The following PSD3 variants were observed in gnomAD, a reference collection of about 807,000 sequenced individuals.
PSD3 encodes pleckstrin and Sec7 domain containing 3.
PSD3 carries 49 observed loss-of-function variants against 105.5 expected under a neutral mutation model. The ratio of observed to expected loss-of-function variants is 0.46; its 90% CI spans 0.37 to 0.59. The LOEUF (loss-of-function observed/expected upper bound fraction) is 0.59, where lower values mean the gene tolerates loss of function less well. PSD3 is among the 20% of genes least tolerant of loss of function. The probability of loss-of-function intolerance (pLI) is 0.00; values close to 1 mark genes in which losing one functional copy is unlikely to be tolerated. For missense variants in PSD3, 1,561 were observed against 1,263.8 expected (o/e 1.24, Z -3.57); for synonymous variants, 557 against 457.8 (o/e 1.22, Z -2.77).
chr8:18,768,914 T>C (rs965904920), intron 8 of PSD3, among the ~76,000 whole-genome samples: 5 of 152,226 alleles, frequency 3.3e-5, no homozygotes, highest in African/African-American at 1.2e-4. Context: ...ACTTATTTAG[T>C]AGATATTTCT....
At chr8:18,986,699 T>G (rs894243009) in intron 1 of PSD3, among the ~76,000 whole-genome samples, 1 of 152,160 alleles carries the variant, frequency 6.6e-6, no homozygotes, top group Non-Finnish European at 1.5e-5. Flanking sequence ...TATCGCTGAA[T>G]GCCCCTAAAG....
intron 8 of PSD3, among the ~76,000 whole-genome samples, chr8:18,792,304 T>C (rs1191907169): frequency 6.6e-6 from 1 of 152,156 alleles, no homozygotes; most frequent in Non-Finnish European, 1.5e-5. Flanking sequence ...AGGAAAGACA[T>C]GGAATCAACC....
In PSD3 at chr8:19,065,221, GT is replaced by G. The variant is rs1029167901; in HGVS notation, c.324+18984del. 2.1e-4 allele frequency among the ~76,000 whole-genome samples: 32 copies of G among 152,144 alleles called. No individual in the cohort carries two copies. In the South Asian group the frequency reaches 2.7e-3, roughly 13 times the overall value. ...TCTGAGGGGAAAAAACACAAATTAG[GT>G]TTTTTTCTGCTCTTACCATAACAAT... On this transcript the variant is annotated intron_variant, in intron 1 of 1. Transcript: ENST00000521475.
chr8:19,079,320 G>A (rs1829566617), intron 1 of PSD3, among the ~76,000 whole-genome samples: 1 of 152,152 alleles, frequency 6.6e-6, no homozygotes, highest in Non-Finnish European at 1.5e-5. Context: ...CATCAATACT[G>A]ACTCCTAAAT....
rs1799666694 is a variant in PSD3 at position 18,532,307 on chromosome 8, G to A, written c.*3436C>T. On this transcript the variant is annotated 3_prime_UTR_variant, in exon 16 of 16. Transcript: ENST00000327040. ...CACAATCTCAGAAGTTCTGTAGCTTGGCCACAGGGTGAAATACAAACCTAT... is the reference window on the plus strand; with the variant it reads ...CACAATCTCAGAAGTTCTGTAGCTTAGCCACAGGGTGAAATACAAACCTAT... 1 of 152,210 alleles carries A rather than the reference G, an allele frequency of 6.6e-6. No homozygotes were observed. The highest frequency in any genetic ancestry group is 1.5e-5 in the Non-Finnish European group (1 of 68,038). 9.4% of individuals were successfully genotyped at this position (152,210 alleles called of 1,614,324 possible).
At chr8:18,739,689 TATC>T (rs1450372795) in intron 9 of PSD3, among the ~76,000 whole-genome samples, 3 of 152,170 alleles carry the variant, frequency 2.0e-5, no homozygotes, top group East Asian at 1.9e-4. Flanking sequence ...ATCAACAACT[TATC>T]ATTGTATATA....
Position 18,809,911 on chromosome 8 carries a change from T to C in PSD3, c.1635-5013A>G, listed in dbSNP as rs112628524. ...ACCCTCCTCTGTGTTTTCATCCTTC[T>C]CTCTTGACCTGCATGCTACCACCAC... On this transcript the variant is annotated intron_variant, in intron 4 of 15. Coordinates refer to ENST00000327040, the MANE Select transcript of PSD3 (RefSeq NM_015310.4). Among the ~76,000 whole-genome samples the C allele has an allele frequency of 7.8e-3, 1,194 of 152,236 alleles. 10 individuals are homozygous for C. Among genetic ancestry groups the C allele is most frequent in the African/African-American group, 0.028 (1,155 of 41,532 alleles).
At chr8:18,920,480 C>T (rs756939425) in intron 2 of PSD3, among the ~76,000 whole-genome samples, 6 of 152,098 alleles carry the variant, frequency 3.9e-5, no homozygotes, top group African/African-American at 9.7e-5. Context: ...GGAGCATGAG[C>T]GCTGCTTTCT....
At chr8:18,986,797 A>G (rs749667319) in intron 1 of PSD3, among the ~76,000 whole-genome samples, 2 of 152,200 alleles carry the variant, frequency 1.3e-5, no homozygotes, top group Non-Finnish European at 2.9e-5. Context: ...AAGATGAGGC[A>G]GAACAAAGAG....
chr8:18,728,073 A>G (rs994440056), intron 9 of PSD3, among the ~76,000 whole-genome samples: 13 of 152,098 alleles, frequency 8.5e-5, no homozygotes, highest in Admixed American at 2.6e-4. Context: ...GAAAAAAAAA[A>G]GCGGAGAAAG....
At position 18,532,752 on chromosome 8, in the gene PSD3, G is replaced by C. The variant is rs572144789; in HGVS notation, c.*2991C>G. 2.3e-4 allele frequency: 35 copies of C among 152,270 alleles called. No homozygotes were observed. Among genetic ancestry groups the C allele is most frequent in the African/African-American group, 8.2e-4 (34 of 41,556 alleles). The allele number at this position is 152,270 out of a possible 1,614,324, so 9.4% of individuals were successfully genotyped here. ...TTTTGATTGCTAATGAGGAATCCCA[G>C]ACACCTCCCTGTAAAAGCCAGCATG... On this transcript the variant is annotated 3_prime_UTR_variant, in exon 16 of 16. Coordinates refer to ENST00000327040, the MANE Select transcript of PSD3 (RefSeq NM_015310.4).
At chr8:18,551,605 C>G (rs887200170) in intron 15 of PSD3, among the ~76,000 whole-genome samples, 8 of 152,056 alleles carry the variant, frequency 5.3e-5, no homozygotes, top group Non-Finnish European at 8.8e-5. Flanking sequence ...ATTTCCTAGC[C>G]ATGTGGTTGG....
At chr8:19,024,083 T>C (rs911238626) in intron 1 of PSD3, among the ~76,000 whole-genome samples, 4 of 152,190 alleles carry the variant, frequency 2.6e-5, no homozygotes, top group Admixed American at 2.6e-4. Context: ...CCTGTAAACA[T>C]TTGAGAAGAA....
intron 2 of PSD3, among the ~76,000 whole-genome samples, chr8:18,917,956 C>A (rs1027104460): frequency 1.3e-5 from 2 of 152,158 alleles, no homozygotes; most frequent in African/African-American, 4.8e-5. Flanking sequence ...TGTATCCTAA[C>A]AAGGTTCACT....
At chr8:19,067,228 A>C (rs1829103395) in intron 1 of PSD3, among the ~76,000 whole-genome samples, 1 of 152,156 alleles carries the variant, frequency 6.6e-6, no homozygotes, top group Non-Finnish European at 1.5e-5. Context: ...AGTAATAGTA[A>C]CTAATAGTAA....
chr8:18,860,396 A>G (rs577381153), intron 4 of PSD3, among the ~76,000 whole-genome samples: 1 of 152,096 alleles, frequency 6.6e-6, no homozygotes, highest in East Asian at 1.9e-4. Context: ...AGCACCTGTT[A>G]TTGGAAACAT....
At chr8:19,014,969 G>T (rs1439929048), upstream of PSD3, among the ~76,000 whole-genome samples, 2 of 152,198 alleles carry the variant, frequency 1.3e-5, no homozygotes, top group Non-Finnish European at 2.9e-5. This position sits in a 1 kb window ranked among gnomAD's most constrained non-coding sequence, Gnocchi z 4.9. Context: ...TGCTCCCCCT[G>T]CCAGAGCAGC....
chr8:18,782,094 C>A (rs983301637), intron 8 of PSD3, among the ~76,000 whole-genome samples: 2 of 151,974 alleles, frequency 1.3e-5, no homozygotes, highest in African/African-American at 4.8e-5. Flanking sequence ...TGTTTCTTTG[C>A]ATTGTTCATC....
chr8:18,918,834 T>C (rs1356298342), intron 2 of PSD3, among the ~76,000 whole-genome samples: 1 of 152,132 alleles, frequency 6.6e-6, no homozygotes, highest in Non-Finnish European at 1.5e-5. Context: ...GCACTGTACC[T>C]GTACCGTGCC....
Sources: gnomAD v4.1 joint callset for allele counts (sites outside exome capture counted in the v4.1 genomes callset) on GRCh38, gnomAD v4.1.1 for gene constraint, Gnocchi (gnomAD v3.1) non-coding constraint, MANE v1.5 for transcripts, NCBI Gene and HGNC (gene_info 2026-07-23, HGNC 2026-07-21) for gene names.